The following PSTPIP2 variants were observed in gnomAD, a reference collection of about 807,000 sequenced individuals.
PSTPIP2 encodes proline-serine-threonine phosphatase interacting protein 2, also known as proline-serine-threonine phosphatase-interacting protein 2.
PSTPIP2 carries 33 observed loss-of-function variants against 63.3 expected under a neutral mutation model. The ratio of observed to expected loss-of-function variants is 0.52; its 90% CI spans 0.40 to 0.70. The LOEUF (loss-of-function observed/expected upper bound fraction) is 0.70, where lower values mean the gene tolerates loss of function less well. PSTPIP2 is among the 30% of genes least tolerant of loss of function. The pLI is 0.00. For synonymous variants in PSTPIP2, 125 were observed against 132.7 expected, an observed-to-expected ratio of 0.94 and a Z score of 0.40; for missense variants, 312 against 400.7, an observed-to-expected ratio of 0.78 and a Z score of 1.89.
chr18:46,000,953 A>G (rs543126983), intron 6 of PSTPIP2, among the ~76,000 whole-genome samples: 20 of 152,382 alleles, frequency 1.3e-4, no homozygotes, highest in Non-Finnish European at 2.5e-4. Flanking sequence ...TAAGATAAAT[A>G]AAGAAAATAC....
At chr18:46,045,628 T>C (rs1380822032) in intron 1 of PSTPIP2, among the ~76,000 whole-genome samples, 1 of 151,998 alleles carries the variant, frequency 6.6e-6, no homozygotes. Flanking sequence ...AACCTGCACA[T>C]TGTGCACATG....
chr18:46,028,225 C>T (rs1259652773), intron 2 of PSTPIP2: 7 of 384,856 alleles, frequency 1.8e-5, no homozygotes, highest in South Asian at 1.5e-4. Context: ...CTCCTCAAAC[C>T]TAACGATGCC....
At chr18:46,025,725 A>G (rs545328566) in intron 2 of PSTPIP2, among the ~76,000 whole-genome samples, 13 of 152,062 alleles carry the variant, frequency 8.5e-5, no homozygotes, top group African/African-American at 2.4e-4. Flanking sequence ...AAAGAAAAAA[A>G]CCTAAATGAA....
At chr18:45,991,369 C>T (rs182920084) in intron 12 of PSTPIP2, among the ~76,000 whole-genome samples, 1 of 152,300 alleles carries the variant, frequency 6.6e-6, no homozygotes, top group East Asian at 1.9e-4. Flanking sequence ...GGCCACCTCC[C>T]GTCTCTCTTG....
intron 1 of PSTPIP2, among the ~76,000 whole-genome samples, chr18:46,041,257 T>C (rs1349461089): frequency 6.6e-6 from 1 of 152,080 alleles, no homozygotes; most frequent in East Asian, 1.9e-4. Flanking sequence ...TTTTGTTTTG[T>C]TCTGTTTTGA....
chr18:45,999,541 C>T lies in PSTPIP2; in HGVS notation c.418-7G>A. 1.2e-6 allele frequency: 2 copies of T among 1,613,918 alleles called. No homozygotes were observed. Among genetic ancestry groups the T allele is most frequent in the South Asian group, 1.1e-5 (1 of 91,066 alleles). ...GCTCATAGTTCTTCTTTGCCTTTGT[C>T]ATTATGAACAAAGAGAACCAAAACA... On this transcript the variant is annotated splice_polypyrimidine_tract_variant and splice_region_variant and intron_variant, in intron 6 of 14. Transcript: ENST00000409746.
intron 5 of PSTPIP2, among the ~76,000 whole-genome samples, chr18:46,006,473 G>A (rs1050703278): frequency 1.4e-5 from 2 of 144,816 alleles, no homozygotes; most frequent in Admixed American, 1.5e-4. Flanking sequence ...CTGGTTTCAA[G>A]CGAGTCTCCT....
chr18:46,064,409 G>C (rs1287355350), intron 1 of PSTPIP2, among the ~76,000 whole-genome samples: 3 of 140,162 alleles, frequency 2.1e-5, no homozygotes, highest in Non-Finnish European at 4.5e-5. Context: ...TCCTGCCACA[G>C]CCTCCCGAGT....
intron 14 of PSTPIP2, among the ~76,000 whole-genome samples, chr18:45,987,750 C>T (rs2051482543): frequency 6.6e-6 from 1 of 152,110 alleles, no homozygotes; most frequent in Admixed American, 6.5e-5. Context: ...AGTATCGCTA[C>T]TTTGGCTTCT....
intron 3 of PSTPIP2, chr18:46,016,170 C>T: frequency 2.0e-6 from 1 of 511,880 alleles, no homozygotes. Context: ...CATGCCAAAA[C>T]TCTTTGTGTT....
At position 46,027,799 on chromosome 18, in the gene PSTPIP2, G is replaced by A. The variant is rs769732390; in HGVS notation, c.135-3113C>T. Among the ~76,000 whole-genome samples the A allele has an allele frequency of 2.6e-5, 4 of 152,134 alleles. No homozygotes were observed. The South Asian group carries it at 6.2e-4, about 24-fold the overall frequency. The stretch of plus-strand genomic sequence containing the variant: ...AAGAATTACTAAAATTGAAATAATA[G>A]TCTCTTTACCATAGGAAAAATTAGT... On this transcript the variant is annotated intron_variant, in intron 2 of 14. Transcript: ENST00000409746.
chr18:46,040,153 G>T, intron 1 of PSTPIP2, 106 bp from the exon 2 acceptor site: 2 of 891,132 alleles, frequency 2.2e-6, no homozygotes, highest in Non-Finnish European at 3.4e-6. Flanking sequence ...GAACGTTGCT[G>T]ACTCACTTTG....
intron 13 of PSTPIP2, 138 bp from the exon 14 acceptor site, chr18:45,988,897 A>G (rs1276892144): frequency 2.9e-6 from 2 of 698,372 alleles, no homozygotes; most frequent in Non-Finnish European, 5.0e-6. Flanking sequence ...CTGCCAACAA[A>G]AACTATAAAT....
At chr18:46,006,387 T>TTC (rs2051726774) in intron 5 of PSTPIP2, among the ~76,000 whole-genome samples, 1 of 117,622 alleles carries the variant, frequency 8.5e-6, no homozygotes, top group African/African-American at 3.1e-5. Context: ...TTTTTTTTTT[T>TTC]CTGAGACAGA....
At chr18:45,998,653 C>T in intron 8 of PSTPIP2, 141 bp downstream of exon 8, 2 of 827,714 alleles carry the variant, frequency 2.4e-6, no homozygotes, top group South Asian at 2.1e-5. Context: ...CCCTTTTTCC[C>T]TTCAGATATC....
At chr18:46,069,204 G>C (rs2144141218) in intron 1 of PSTPIP2, among the ~76,000 whole-genome samples, 1 of 152,270 alleles carries the variant, frequency 6.6e-6, no homozygotes, top group East Asian at 1.9e-4. Flanking sequence ...GGGTCCCACT[G>C]TCACCCGTGC....
Position 45,990,763 on chromosome 18 carries a change from G to A in PSTPIP2, c.921-7C>T. The A allele has an allele frequency of 6.3e-7, 1 of 1,596,270 alleles. No homozygotes were observed. The highest frequency in any genetic ancestry group is 8.6e-7 in the Non-Finnish European group (1 of 1,166,712). ...AATTGGGAGGGGTCCTCTCCTGTAA[G>A]AAATGAAAACCAAAGTATTTTAGAT... On this transcript the variant is annotated splice_polypyrimidine_tract_variant and splice_region_variant and intron_variant, in intron 12 of 14. Coordinates refer to ENST00000409746, the MANE Select transcript of PSTPIP2 (RefSeq NM_024430.4).
chr18:46,037,002 A>G (rs903951036), intron 2 of PSTPIP2, among the ~76,000 whole-genome samples: 4 of 152,192 alleles, frequency 2.6e-5, no homozygotes, highest in African/African-American at 9.7e-5. Context: ...AATAATAAAT[A>G]AGGTATAACA....
chr18:46,023,175 A>C (rs1463867861), intron 3 of PSTPIP2, among the ~76,000 whole-genome samples: 3 of 152,214 alleles, frequency 2.0e-5, no homozygotes, highest in Non-Finnish European at 4.4e-5. Flanking sequence ...ACCAGGCTTA[A>C]TACCTGGGCG....
Sources: allele counts gnomAD v4.1 joint callset (sites outside exome capture counted in the v4.1 genomes callset), GRCh38; gene constraint gnomAD v4.1.1; transcripts MANE v1.5; gene names NCBI Gene and HGNC (gene_info 2026-07-23, HGNC 2026-07-21).